TNRC18: variants seen among roughly 807,000 people sequenced by gnomAD.
TNRC18 encodes the protein trinucleotide repeat-containing gene 18 protein.
Under a neutral mutation model 226.7 loss-of-function variants are expected in TNRC18, and 69 were observed. That is an observed-to-expected ratio of 0.30 (90% CI 0.25 to 0.37). TNRC18 has a LOEUF of 0.37. Among genes scored for constraint, TNRC18 ranks in the 10% least tolerant of loss-of-function variants. TNRC18 has a pLI of 1.00. For synonymous variants in TNRC18, 2,449 were observed against 1,927.6 expected, an observed-to-expected ratio of 1.27 and a Z score of -7.09; for missense variants, 4,754 against 4,256.6, an observed-to-expected ratio of 1.12 and a Z score of -3.25.
chr7:5,408,274 G>GAGT, intron 2 of TNRC18, among the ~76,000 whole-genome samples: 1 of 149,720 alleles, frequency 6.7e-6, no homozygotes, highest in South Asian at 2.1e-4. Flanking sequence ...ACTCCAGCCT[G>GAGT]GCGACAGAAC....
intron 2 of TNRC18, among the ~76,000 whole-genome samples, chr7:5,414,015 C>A (rs535573192): frequency 6.6e-6 from 1 of 152,034 alleles, no homozygotes; most frequent in Admixed American, 6.6e-5. Context: ...TGCAGTGGCA[C>A]GATCTCGGCT....
intron 19 of TNRC18, among the ~76,000 whole-genome samples, chr7:5,331,530 G>A (rs148355630): frequency 5.0e-4 from 76 of 152,280 alleles, no homozygotes; most frequent in African/African-American, 1.5e-3. Context: ...CAGCAGCGCC[G>A]GTGAAACCAC....
Position 5,377,061 on chromosome 7 carries a change from C to T in TNRC18, c.2462-68G>A. On this transcript the variant is annotated intron_variant, in intron 7 of 29. Transcript: ENST00000430969. The surrounding 1 kb of genome is among the most constrained non-coding windows in gnomAD (Gnocchi z 5.8). ...CAAGCGGTTTGTCCTCGGGCAGCCC[C>T]AGCCCAGCACCACCTCCCAAGTCCT... is the stretch of plus-strand genomic sequence containing the variant. The T allele has an allele frequency of 6.6e-7, 1 of 1,524,676 alleles. No individual in the cohort carries two copies. The highest frequency in any genetic ancestry group is 8.8e-7 in the Non-Finnish European group (1 of 1,138,656). 94.4% of individuals were successfully genotyped at this position (1,524,676 alleles called of 1,614,324 possible).
At chr7:5,395,351 C>T (rs1299187825) in intron 2 of TNRC18, among the ~76,000 whole-genome samples, 1 of 152,218 alleles carries the variant, frequency 6.6e-6, no homozygotes, top group Non-Finnish European at 1.5e-5. Context: ...CCCGGGGTCA[C>T]TGCCAATAGG....
chr7:5,309,385 G>A lies in TNRC18; in HGVS notation c.8389-17C>T, dbSNP rs1168231656. On this transcript the variant is annotated splice_polypyrimidine_tract_variant and intron_variant, in intron 27 of 29. Transcript: ENST00000430969. This position sits in a 1 kb window ranked among gnomAD's most constrained non-coding sequence, Gnocchi z 5.7. ...GCCACGCCGCTGCAAGGACACGTGT[G>A]TCACGGCACAGGCCCTGGCCCAGCC... 6.3e-7 allele frequency: 1 copy of A among 1,593,360 alleles called. No homozygotes were observed. Among genetic ancestry groups the A allele is most frequent in the South Asian group, 1.1e-5 (1 of 88,174 alleles).
chr7:5,372,594 A>C (rs1420704128), intron 10 of TNRC18, among the ~76,000 whole-genome samples: 2 of 152,098 alleles, frequency 1.3e-5, no homozygotes, highest in African/African-American at 4.8e-5. Flanking sequence ...GCACCCCTGT[A>C]ATCCGAGCTA....
At chr7:5,361,745 G>T (rs1483109618) in intron 13 of TNRC18, 23 bp from the exon 14 acceptor site, 20 of 1,557,124 alleles carry the variant, frequency 1.3e-5, no homozygotes, top group Non-Finnish European at 1.6e-5. Flanking sequence ...CACACGCTTG[G>T]CTGTGACGCT....
intron 2 of TNRC18, among the ~76,000 whole-genome samples, chr7:5,397,887 G>A (rs1275713555): frequency 6.6e-6 from 1 of 152,160 alleles, no homozygotes; most frequent in African/African-American, 2.4e-5. Context: ...CCTCCTTGAG[G>A]GCGGGGACTA....
intron 20 of TNRC18, 41 bp downstream of exon 20, chr7:5,325,055 G>A (rs773683671): frequency 1.3e-6 from 2 of 1,546,420 alleles, no homozygotes; most frequent in South Asian, 1.2e-5. Flanking sequence ...GAGCATGGCT[G>A]AGCCCCCCAC....
chr7:5,378,399 T>A (rs1779160700), intron 5 of TNRC18, among the ~76,000 whole-genome samples: 1 of 151,840 alleles, frequency 6.6e-6, no homozygotes. Flanking sequence ...ATGCTATTTT[T>A]ATTTTATTTT....
At chr7:5,360,659 T>C (rs568739978) in intron 14 of TNRC18, among the ~76,000 whole-genome samples, 1 of 152,316 alleles carries the variant, frequency 6.6e-6, no homozygotes, top group South Asian at 2.1e-4. Context: ...GCCACACCCC[T>C]GACCACCACG....
At chr7:5,404,165 GT>G (rs1584089991) in intron 2 of TNRC18, among the ~76,000 whole-genome samples, 1 of 152,218 alleles carries the variant, frequency 6.6e-6, no homozygotes, top group African/African-American at 2.4e-5. Flanking sequence ...AAGGTCAAGA[GT>G]TCAAGGCCAG....
rs1385494789 is a variant in TNRC18, at chr7:5,405,112, G to A, written c.188-10517C>T. On this transcript the variant is annotated intron_variant, in intron 2 of 29. Coordinates refer to ENST00000430969, the MANE Select transcript of TNRC18 (RefSeq NM_001080495.3). ...AGCCTGGGCAACAGAGTGAGACTTC[G>A]TCTCAAAAAAAAAAAAGAAGTATAC... Among the ~76,000 whole-genome samples, 3 of 119,472 alleles carry A rather than the reference G, an allele frequency of 2.5e-5. 1 individual carries two copies. Among genetic ancestry groups the A allele is most frequent in the African/African-American group, 3.8e-5 (1 of 26,520 alleles). The allele number at this position is 119,472 out of a possible 152,430, so 78.4% of individuals were successfully genotyped here. A position where few individuals can be genotyped will look rare whatever the true frequency, so the allele number is the denominator to read the frequency against.
rs749473950 is a variant in TNRC18 at position 5,389,106 on chromosome 7, C to A, written c.718G>T (p.Asp240Tyr). Residue 240 changes from aspartate (D) to tyrosine (Y), a missense_variant, in exon 5 of 30, where the codon GAC becomes TAC. Physicochemically the swap from Asp to Tyr is radical, Grantham distance 160. Coordinates refer to ENST00000430969, the MANE Select transcript of TNRC18 (RefSeq NM_001080495.3). The part of the protein sequence containing the change: ...EEASGPRGVV[D>Y]LTQEARAEGR... ...TCGGCGCGCGCCTCCTGGGTCAGGTCCACCACGCCCCGTGGCCCCGAGGCC... is the reference window on the plus strand; with the variant it reads ...TCGGCGCGCGCCTCCTGGGTCAGGTACACCACGCCCCGTGGCCCCGAGGCC... 3.1e-6 allele frequency: 4 copies of A among 1,309,160 alleles called. No homozygotes were observed. The highest frequency in any genetic ancestry group is 2.9e-6 in the Non-Finnish European group (3 of 1,026,584). The allele number at this position is 1,309,160 out of a possible 1,614,324, so 81.1% of individuals were successfully genotyped here. A position where few individuals can be genotyped will look rare whatever the true frequency, so the allele number is the denominator to read the frequency against.
At chr7:5,358,837 C>T (rs370846020) in intron 15 of TNRC18, among the ~76,000 whole-genome samples, 91 of 152,138 alleles carry the variant, frequency 6.0e-4, no homozygotes, top group African/African-American at 1.7e-3. Context: ...CAAAAAAAAA[C>T]TACCCCTTTG....
At chr7:5,392,578 T>C (rs1319881671) in intron 3 of TNRC18, among the ~76,000 whole-genome samples, 2 of 151,938 alleles carry the variant, frequency 1.3e-5, no homozygotes, top group Admixed American at 6.6e-5. Context: ...TGTGCCACTA[T>C]ATACTCTAGC....
rs1794442460 is a variant in TNRC18, at chr7:5,374,400, C to G, written c.2884G>C (p.Gly962Arg). Reference protein sequence around the residue: ...KRGLEAAGKAGLATAGPGLLP... With the variant: ...KRGLEAAGKARLATAGPGLLP... The stretch of plus-strand genomic sequence containing the variant: ...AGCCCGGGGCCGGCGGTGGCCAGGC[C>G]AGCCTTGCCCGCAGCCTCCAGGCCC... The change falls in exon 10 of 30, where the codon GGC becomes CGC. Residue 962 changes from glycine (G) to arginine (R), a missense_variant. Physicochemically the swap from Gly to Arg is moderately radical, Grantham distance 125 (BLOSUM62 -2). Transcript: ENST00000430969. The G allele has an allele frequency of 6.5e-7, 1 of 1,530,126 alleles. No homozygotes were observed. Among genetic ancestry groups the G allele is most frequent in the Admixed American group, 2.0e-5 (1 of 49,626 alleles). The allele number at this position is 1,530,126 out of a possible 1,614,324, so 94.8% of individuals were successfully genotyped here.
intron 15 of TNRC18, 99 bp from the exon 16 acceptor site, chr7:5,357,375 C>A (rs1349121535): frequency 2.2e-5 from 29 of 1,311,672 alleles, no homozygotes; most frequent in Non-Finnish European, 2.9e-5. Context: ...CAATCCTTCA[C>A]CTGCCTCTGT....
chr7:5,374,211 C>CG lies in TNRC18; in HGVS notation c.3072dup (p.Ala1025ArgfsTer89). The stretch of plus-strand genomic sequence containing the variant: ...CTGGTGGGGTGGGAGCTGGGGGTGG[C>CG]GGGGTAGGCGTAGGCGGGTGGCTTG... On this transcript the variant is annotated frameshift_variant, in exon 10 of 30. Transcript: ENST00000430969. LOFTEE classifies it high-confidence loss of function. 1 of 841,664 alleles carries CG rather than the reference C, an allele frequency of 1.2e-6. No individual in the cohort carries two copies. The highest frequency in any genetic ancestry group is 3.8e-5 in the South Asian group (1 of 26,328). 52.1% of individuals were successfully genotyped at this position (841,664 alleles called of 1,614,324 possible). A position where few individuals can be genotyped will look rare whatever the true frequency, so the allele number is the denominator to read the frequency against.
Sources: gnomAD v4.1 joint callset for allele counts (sites outside exome capture counted in the v4.1 genomes callset) on GRCh38, gnomAD v4.1.1 for gene constraint, Gnocchi (gnomAD v3.1) non-coding constraint, MANE v1.5 for transcripts, NCBI Gene and HGNC (gene_info 2026-07-23, HGNC 2026-07-21) for gene names.